The following IRF8 variants were observed in gnomAD, a reference collection of about 807,000 sequenced individuals.
IRF8 encodes the protein interferon consensus sequence binding protein 1.
IRF8 carries 14 observed loss-of-function variants against 48.7 expected under a neutral mutation model. The observed-to-expected ratio is 0.29, with a 90% confidence interval of 0.19 to 0.45. The LOEUF is 0.45. IRF8 is among the 20% of genes least tolerant of loss of function. The pLI is 1.00. For missense variants in IRF8, 493 were observed against 580.7 expected, an observed-to-expected ratio of 0.85 and a Z score of 1.55; for synonymous variants, 278 against 227.3, an observed-to-expected ratio of 1.22 and a Z score of -2.01.
Position 85,918,526 on chromosome 16 carries a change from C to G in IRF8, c.711C>G (p.Pro237=). 1 of 1,599,378 alleles carries G rather than the reference C, an allele frequency of 6.3e-7. No individual in the cohort carries two copies. The highest frequency in any genetic ancestry group is 8.5e-7 in the Non-Finnish European group (1 of 1,177,350). Residue 237 remains proline (P), a synonymous_variant, in exon 7 of 9, where the codon CCC becomes CCG. Coordinates refer to ENST00000268638, the MANE Select transcript of IRF8 (RefSeq NM_002163.4). ...TGTCCCTGAGCCAGCCTGGGCTGCC[C>G]GGCACCAAGCTGTATGGGCCCGAGG... ...CRLSLSQPGL[P]GTKLYGPEGL...
Position 85,918,638 on chromosome 16 carries a change from G to T in IRF8, c.823G>T (p.Glu275Ter). Residue 275 changes from glutamate to a stop codon, truncating the protein, a stop_gained, in exon 7 of 9, where the codon GAG (glutamate) becomes TAG (stop). Transcript: ENST00000268638. LOFTEE classifies it high-confidence loss of function. ...QVTRKLFGHL[E>*]RGVLLHSSRQ... ...GACGCGGAAGCTGTTCGGGCACCTG[G>T]AGCGCGGGGTGCTGCTGCACAGCAG... 6.2e-7 allele frequency: 1 copy of T among 1,609,044 alleles called. No homozygotes were observed.
intron 7 of IRF8, among the ~76,000 whole-genome samples, chr16:85,919,553 G>C (rs1447046177): frequency 2.0e-5 from 3 of 152,184 alleles, no homozygotes; most frequent in African/African-American, 4.8e-5. Context: ...TGAGGCCGCG[G>C]TTATCACCCC....
At chr16:85,906,347 G>A (rs9938084) in intron 2 of IRF8, among the ~76,000 whole-genome samples, 37 of 152,212 alleles carry the variant, frequency 2.4e-4, no homozygotes, top group Admixed American at 3.9e-4. Context: ...CGGCAGGGGT[G>A]GGGGGGCCCT....
At chr16:85,903,463 G>T (rs1904893221) in intron 2 of IRF8, 5 of 448,504 alleles carry the variant, frequency 1.1e-5, no homozygotes, top group Non-Finnish European at 1.6e-5. Context: ...TCCTTTTCCT[G>T]ATGAGCCAAG....
At chr16:85,902,902 C>A in intron 1 of IRF8, 113 bp from the exon 2 acceptor site, 1 of 1,192,894 alleles carries the variant, frequency 8.4e-7, no homozygotes, top group Non-Finnish European at 1.2e-6. Context: ...GGGTTTCCCC[C>A]AAGCCAGCAC....
intron 1 of IRF8, among the ~76,000 whole-genome samples, chr16:85,900,708 G>A (rs1904801027): frequency 6.6e-6 from 1 of 152,222 alleles, no homozygotes; most frequent in East Asian, 1.9e-4. Flanking sequence ...TAAATAAAGA[G>A]GGGACTGGAT....
At chr16:85,907,421 T>C (rs1905036424) in intron 2 of IRF8, among the ~76,000 whole-genome samples, 1 of 152,222 alleles carries the variant, frequency 6.6e-6, no homozygotes, top group African/African-American at 2.4e-5. Context: ...GGCTCACGCC[T>C]GTAAGCCCAG....
intron 1 of IRF8, chr16:85,902,795 G>A: frequency 3.3e-6 from 2 of 604,858 alleles, no homozygotes; most frequent in South Asian, 3.7e-5. Context: ...GTGGCTGCAG[G>A]TTTCCCACGG....
chr16:85,918,400 G>A lies in IRF8; in HGVS notation c.602-17G>A, dbSNP rs1183211440. The A allele has an allele frequency of 1.3e-6, 2 of 1,593,920 alleles. No individual in the cohort carries two copies. The highest frequency in any genetic ancestry group is 2.2e-5 in the East Asian group (1 of 44,786). The stretch of plus-strand genomic sequence containing the variant: ...TGTCTCCCCGCAGCACCGTCATCGT[G>A]TCCCTCTTGTCCACAGCATTCTCCC... On this transcript the variant is annotated splice_polypyrimidine_tract_variant and intron_variant, in intron 6 of 8. Coordinates refer to ENST00000268638, the MANE Select transcript of IRF8 (RefSeq NM_002163.4).
chr16:85,915,773 A>G (rs143200031), intron 6 of IRF8, among the ~76,000 whole-genome samples: 1 of 152,042 alleles, frequency 6.6e-6, no homozygotes, highest in Non-Finnish European at 1.5e-5. Flanking sequence ...GCTGTGGAGT[A>G]GCCAGGCACA....
At chr16:85,904,247 G>A (rs58001354) in intron 2 of IRF8, among the ~76,000 whole-genome samples, 2 of 152,152 alleles carry the variant, frequency 1.3e-5, no homozygotes, top group Non-Finnish European at 2.9e-5. Flanking sequence ...GCATTTGGGG[G>A]CCAGAGATGG....
intron 3 of IRF8, among the ~76,000 whole-genome samples, chr16:85,911,119 G>A (rs761951574): frequency 6.6e-6 from 1 of 152,160 alleles, no homozygotes; most frequent in South Asian, 2.1e-4. Context: ...TATTTGGAAA[G>A]GCCAAAAAGA....
chr16:85,919,207 G>A (rs1321079641), intron 7 of IRF8, among the ~76,000 whole-genome samples: 1 of 152,222 alleles, frequency 6.6e-6, no homozygotes, highest in Non-Finnish European at 1.5e-5. Flanking sequence ...CTGGGGATCT[G>A]TGTACAGGTT....
chr16:85,921,530 A>G lies in IRF8; in HGVS notation c.*248A>G, dbSNP rs147732387. 4 of 531,446 alleles carry G rather than the reference A, an allele frequency of 7.5e-6. No homozygotes were observed. The highest frequency in any genetic ancestry group is 3.8e-5 in the African/African-American group (2 of 52,548). The allele number at this position is 531,446 out of a possible 1,614,324, so 32.9% of individuals were successfully genotyped here. A position where few individuals can be genotyped will look rare whatever the true frequency, so the allele number is the denominator to read the frequency against. ...CCTGTGGCTAAAAATTTTATTTTCTATCCTTTACCCGTCATTATCATTAGT... is the reference window on the plus strand; with the variant it reads ...CCTGTGGCTAAAAATTTTATTTTCTGTCCTTTACCCGTCATTATCATTAGT... On this transcript the variant is annotated 3_prime_UTR_variant, in exon 9 of 9. Transcript: ENST00000268638.
At chr16:85,919,110 A>G (rs1905440436) in intron 7 of IRF8, among the ~76,000 whole-genome samples, 1 of 152,120 alleles carries the variant, frequency 6.6e-6, no homozygotes, top group Non-Finnish European at 1.5e-5. Context: ...GTATGTTCCA[A>G]GGATGGTCCC....
intron 2 of IRF8, among the ~76,000 whole-genome samples, chr16:85,904,506 GTC>G (rs1248626238): frequency 6.6e-6 from 1 of 152,220 alleles, no homozygotes; most frequent in Non-Finnish European, 1.5e-5. Flanking sequence ...GGTCCTGCAC[GTC>G]TCTGCCTGAC....
intron 7 of IRF8, among the ~76,000 whole-genome samples, chr16:85,919,832 G>A (rs933595192): frequency 4.6e-5 from 7 of 152,248 alleles, no homozygotes; most frequent in African/African-American, 1.7e-4. Context: ...GCAGGTAAGA[G>A]CAATGCACGA....
rs116041830 is a variant in IRF8, at chr16:85,913,380, C to G, written c.553+144C>G. 8.8e-4 allele frequency: 600 copies of G among 683,944 alleles called. 3 individuals are homozygous for G. The African/African-American group carries it at 9.2e-3, about 10-fold the overall frequency. 42.4% of individuals were successfully genotyped at this position (683,944 alleles called of 1,614,324 possible). A position where few individuals can be genotyped will look rare whatever the true frequency, so the allele number is the denominator to read the frequency against. On this transcript the variant is annotated intron_variant, in intron 5 of 8. Coordinates refer to ENST00000268638, the MANE Select transcript of IRF8 (RefSeq NM_002163.4). ...TAGCTCAGCCCTGAGAGGTGAAGAA[C>G]GATGGCCCTGGTTTCCCAACATGAG... is the stretch of plus-strand genomic sequence containing the variant.
At chr16:85,915,371 G>A (rs767644896) in intron 6 of IRF8, among the ~76,000 whole-genome samples, 1 of 152,238 alleles carries the variant, frequency 6.6e-6, no homozygotes, top group Non-Finnish European at 1.5e-5. Context: ...GGGCAGGGGA[G>A]GAAATGGGGC....
Sources: allele counts gnomAD v4.1 joint callset (sites outside exome capture counted in the v4.1 genomes callset), GRCh38; gene constraint gnomAD v4.1.1; transcripts MANE v1.5; gene names NCBI Gene and HGNC (gene_info 2026-07-23, HGNC 2026-07-21).